Variants in HERC2 observed in about 807,000 individuals in gnomAD.
The protein encoded by HERC2 is HECT and RLD domain containing E3 ubiquitin protein ligase 2.
A neutral mutation model predicts 537.7 loss-of-function variants in HERC2; 102 were observed. The ratio of observed to expected loss-of-function variants is 0.19; its 90% CI spans 0.16 to 0.22. The LOEUF (loss-of-function observed/expected upper bound fraction) is 0.22, where lower values mean the gene tolerates loss of function less well. Among genes scored for constraint, HERC2 ranks in the 10% least tolerant of loss-of-function variants. The pLI is 1.00. For missense variants in HERC2, 4,236 were observed against 6,198.2 expected, an observed-to-expected ratio of 0.68 and a Z score of 10.63; for synonymous variants, 2,224 against 2,466.2, an observed-to-expected ratio of 0.90 and a Z score of 2.91.
intron 2 of HERC2, among the ~76,000 whole-genome samples, 196 bp downstream of exon 2, chr15:28,321,166 T>C (rs1196163932): frequency 6.6e-6 from 1 of 152,142 alleles, no homozygotes; most frequent in Non-Finnish European, 1.5e-5. Flanking sequence ...AAGAAACTAA[T>C]TAAAAGGCAG....
chr15:28,210,695 G>A (rs534548237), intron 44 of HERC2, among the ~76,000 whole-genome samples: 45 of 151,974 alleles, frequency 3.0e-4, no homozygotes, highest in Non-Finnish European at 5.2e-4. Flanking sequence ...TCTGGGGTGC[G>A]GCCTGGGAGT....
chr15:28,245,616 T>C (rs1011490164), intron 23 of HERC2, among the ~76,000 whole-genome samples: 7 of 147,570 alleles, frequency 4.7e-5, no homozygotes, highest in South Asian at 2.2e-4. Flanking sequence ...GATATATATA[T>C]ACACACACAT....
chr15:28,283,001 T>C (rs1596385390), intron 4 of HERC2, among the ~76,000 whole-genome samples: 1 of 112,496 alleles, frequency 8.9e-6, no homozygotes, highest in Non-Finnish European at 1.6e-5. Context: ...TGGGACGGGA[T>C]GGGAAGGGAA....
chr15:28,293,846 A>T (rs1343104679), intron 3 of HERC2, among the ~76,000 whole-genome samples: 5 of 152,250 alleles, frequency 3.3e-5, no homozygotes, highest in Admixed American at 6.5e-5. Flanking sequence ...ACTTTAGGCC[A>T]CTGACAATGT....
At chr15:28,281,771 C>T (rs1287719425) in intron 4 of HERC2, among the ~76,000 whole-genome samples, 2 of 152,330 alleles carry the variant, frequency 1.3e-5, no homozygotes, top group East Asian at 3.9e-4. Context: ...TAAAGCAGTG[C>T]CCCTGCCCTT....
chr15:28,282,016 G>A (rs2076031727), intron 4 of HERC2, among the ~76,000 whole-genome samples: 1 of 152,138 alleles, frequency 6.6e-6, no homozygotes, highest in Non-Finnish European at 1.5e-5. Context: ...AATCCTGACT[G>A]CCCAGTCCAT....
intron 86 of HERC2, among the ~76,000 whole-genome samples, chr15:28,119,529 C>T (rs2142074331): frequency 6.6e-6 from 1 of 151,640 alleles, no homozygotes; most frequent in Admixed American, 6.5e-5. Context: ...TCTCGGCTCA[C>T]TACAACCTCT....
chr15:28,291,295 G>A (rs2076303611), intron 4 of HERC2, among the ~76,000 whole-genome samples: 1 of 152,048 alleles, frequency 6.6e-6, no homozygotes, highest in Non-Finnish European at 1.5e-5. Flanking sequence ...CACAATCATA[G>A]ATCACTGCAG....
chr15:28,229,843 T>G lies in HERC2; in HGVS notation c.4814A>C (p.Lys1605Thr). The G allele has an allele frequency of 2.5e-6, 3 of 1,206,954 alleles. No homozygotes were observed. Among genetic ancestry groups the G allele is most frequent in the Non-Finnish European group, 3.7e-6 (3 of 815,718 alleles). 74.8% of individuals were successfully genotyped at this position (1,206,954 alleles called of 1,614,324 possible). Reference sequence around the variant, plus strand: ...AACAGTACTCAACAGCGGCTGCCATTTGTCCTAACAAAGGAAAACAATTTT... The same window carrying G: ...AACAGTACTCAACAGCGGCTGCCATGTGTCCTAACAAAGGAAAACAATTTT... Reference protein sequence around the residue: ...RPIAIKSPKDKWQPLLSTVTG... With the variant: ...RPIAIKSPKDTWQPLLSTVTG... Residue 1605 changes from lysine (K) to threonine (T), a missense_variant, in exon 32 of 93, where the codon AAA becomes ACA. Transcript: ENST00000261609.
In HERC2 at chr15:28,265,404, C is replaced by T. The variant is rs1370389652; in HGVS notation, c.1870+214G>A. Among the ~76,000 whole-genome samples the T allele has an allele frequency of 1.3e-5, 2 of 152,176 alleles. No individual in the cohort carries two copies. The highest frequency in any genetic ancestry group is 1.5e-5 in the Non-Finnish European group (1 of 68,038). On this transcript the variant is annotated intron_variant, in intron 14 of 92. Transcript: ENST00000261609. This position sits in a 1 kb window ranked among gnomAD's most constrained non-coding sequence, Gnocchi z 4.0. ...ATTCTTAAAAAATAAAATGCCCACA[C>T]AGGAACGGCGGCAGCTGCTAACCAG...
intron 47 of HERC2, 123 bp from the exon 48 acceptor site, chr15:28,201,677 A>T (rs1160971188): frequency 2.9e-6 from 2 of 681,864 alleles, no homozygotes; most frequent in Non-Finnish European, 5.1e-6. Context: ...TATTTTCTCT[A>T]TAAAAATCTT....
intron 2 of HERC2, among the ~76,000 whole-genome samples, chr15:28,319,965 C>T (rs1367389252): frequency 6.6e-6 from 1 of 152,192 alleles, no homozygotes; most frequent in African/African-American, 2.4e-5. Flanking sequence ...CTCCCATCCA[C>T]TTAAAATGAC....
intron 86 of HERC2, 91 bp downstream of exon 86, chr15:28,121,255 C>T: frequency 2.6e-6 from 3 of 1,142,412 alleles, no homozygotes; most frequent in South Asian, 2.5e-5. Context: ...CACAGGATGG[C>T]AGGCTACCAG....
At chr15:28,214,398 C>A in intron 40 of HERC2, 126 bp from the exon 41 acceptor site, 1 of 978,820 alleles carries the variant, frequency 1.0e-6, no homozygotes, top group Non-Finnish European at 1.6e-6. Flanking sequence ...GGAAGGGAGA[C>A]GGCCATGCAC....
intron 2 of HERC2, among the ~76,000 whole-genome samples, chr15:28,306,624 G>T (rs1384375103): frequency 2.6e-5 from 4 of 152,142 alleles, no homozygotes; most frequent in African/African-American, 9.7e-5. Flanking sequence ...CTATTTTTCA[G>T]AATAGTTTCA....
At position 28,114,469 on chromosome 15, in the gene HERC2, TA is replaced by T. The variant is rs1192083679; in HGVS notation, c.13913+142del. ...CCGACCCTGATCACAAAATAAGCTTTATACCCACAGATCAGCAATAGTTGGA... is the reference window on the plus strand; with the variant it reads ...CCGACCCTGATCACAAAATAAGCTTTTACCCACAGATCAGCAATAGTTGGA... On this transcript the variant is annotated intron_variant, in intron 90 of 92. Coordinates refer to ENST00000261609, the MANE Select transcript of HERC2 (RefSeq NM_004667.6). The T allele has an allele frequency of 5.9e-6, 4 of 679,632 alleles. No individual in the cohort carries two copies. In the South Asian group the frequency reaches 7.8e-5, roughly 13 times the overall value. 42.1% of individuals were successfully genotyped at this position (679,632 alleles called of 1,614,324 possible).
Position 28,274,371 on chromosome 15 carries a change from G to A in HERC2, c.720C>T (p.Leu240=). 1 of 1,614,180 alleles carries A rather than the reference G, an allele frequency of 6.2e-7. No homozygotes were observed. The highest frequency in any genetic ancestry group is 8.5e-7 in the Non-Finnish European group (1 of 1,180,014). ...DALRALPEAS[L]FDESTVSSVW... is the part of the protein sequence containing the mutation. ...CAGAGGACACGGTGCTCTCGTCAAA[G>A]AGCGAGGCCTCGGGAAGTGCTCGCA... is the stretch of plus-strand genomic sequence containing the variant. Residue 240 remains leucine, a synonymous_variant, in exon 7 of 93, where the codon CTC becomes CTT. Coordinates refer to ENST00000261609, the MANE Select transcript of HERC2 (RefSeq NM_004667.6).
chr15:28,190,583 C>T (rs375796516), intron 55 of HERC2: 5 of 199,862 alleles, frequency 2.5e-5, no homozygotes, highest in South Asian at 1.2e-4. Flanking sequence ...ACAGGTGTGA[C>T]GACAAAAAAG....
intron 2 of HERC2, among the ~76,000 whole-genome samples, chr15:28,306,306 T>C (rs1404491072): frequency 6.6e-6 from 1 of 152,252 alleles, no homozygotes; most frequent in Non-Finnish European, 1.5e-5. Flanking sequence ...CAAATGCCTT[T>C]TCAGCATGAA....
Sources: gnomAD v4.1 joint callset for allele counts (sites outside exome capture counted in the v4.1 genomes callset) on GRCh38, gnomAD v4.1.1 for gene constraint, Gnocchi (gnomAD v3.1) non-coding constraint, MANE v1.5 for transcripts, NCBI Gene and HGNC (gene_info 2026-07-23, HGNC 2026-07-21) for gene names.